SLC36A4: variants seen among roughly 807,000 people sequenced by gnomAD.
SLC36A4 encodes neutral amino acid uniporter 4.
SLC36A4 carries 49 observed loss-of-function variants against 50.5 expected under a neutral mutation model. The observed-to-expected ratio is 0.97, with a 90% confidence interval of 0.77 to 1.23. The LOEUF is 1.23. Ranked by LOEUF, SLC36A4 falls within the 50% of genes most tolerant of loss-of-function variation. SLC36A4 has a pLI of 0.00. For missense variants in SLC36A4, 611 were observed against 608.4 expected (o/e 1.00, Z -0.05); for synonymous variants, 207 against 206.5 (o/e 1.00, Z -0.02).
chr11:93,152,803 G>A (rs1860157356), intron 10 of SLC36A4: 1 of 152,030 alleles, frequency 6.6e-6, no homozygotes, highest in Admixed American at 6.6e-5. Flanking sequence ...GAATAGAATT[G>A]TCTTACATCT....
chr11:93,149,233 A>T (rs1048803326), intron 10 of SLC36A4, among the ~76,000 whole-genome samples: 7 of 152,110 alleles, frequency 4.6e-5, no homozygotes, highest in Non-Finnish European at 7.4e-5. Context: ...GAGAGAAGAG[A>T]TAGCTATTCC....
chr11:93,158,137 T>C (rs1860450585), intron 9 of SLC36A4, among the ~76,000 whole-genome samples: 1 of 152,196 alleles, frequency 6.6e-6, no homozygotes, highest in African/African-American at 2.4e-5. Flanking sequence ...GCTAAGGATG[T>C]ATTTCTCAGC....
chr11:93,177,398 C>T (rs749904234), intron 6 of SLC36A4, among the ~76,000 whole-genome samples: 1 of 152,148 alleles, frequency 6.6e-6, no homozygotes, highest in African/African-American at 2.4e-5. Flanking sequence ...TTCGAACATC[C>T]TCCTTTAGCT....
intron 9 of SLC36A4, among the ~76,000 whole-genome samples, chr11:93,157,815 G>T (rs1368232704): frequency 6.6e-6 from 1 of 152,148 alleles, no homozygotes; most frequent in Non-Finnish European, 1.5e-5. Context: ...CTGAAAACAG[G>T]GATAGTTTGC....
chr11:93,174,747 C>T (rs1861371153), intron 6 of SLC36A4, among the ~76,000 whole-genome samples: 1 of 145,938 alleles, frequency 6.9e-6, no homozygotes, highest in Admixed American at 7.1e-5. Flanking sequence ...TGCTGGATTA[C>T]ATTTATTGAT....
At chr11:93,150,648 T>C (rs762295654) in intron 10 of SLC36A4, among the ~76,000 whole-genome samples, 3 of 152,034 alleles carry the variant, frequency 2.0e-5, no homozygotes, top group Admixed American at 6.6e-5. Flanking sequence ...ACCTCGAAAG[T>C]AGAAATACTT....
chr11:93,165,809 A>C, intron 8 of SLC36A4, 109 bp downstream of exon 8: 1 of 632,488 alleles, frequency 1.6e-6, no homozygotes, highest in South Asian at 3.3e-5. Context: ...TCATGTAAAG[A>C]AAATTGAAAT....
intron 1 of SLC36A4, among the ~76,000 whole-genome samples, chr11:93,191,560 G>A (rs1862219259): frequency 6.6e-6 from 1 of 152,160 alleles, no homozygotes; most frequent in South Asian, 2.1e-4. Context: ...TTCACACTGT[G>A]ATGTCAGATG....
At position 93,162,867 on chromosome 11, in the gene SLC36A4, T is replaced by C; in HGVS notation, c.876A>G (p.Pro292=). The change falls in exon 9 of 11, where the codon CCA becomes CCG. Residue 292 remains proline, a synonymous_variant. Coordinates refer to ENST00000326402, the MANE Select transcript of SLC36A4 (RefSeq NM_152313.4). ...TTGATTCTTTCATTTGGTTTTCCAG[T>C]GGAAGGACCTAAGAAAAGAATACAA... ...FAFEGIGVVL[P]LENQMKESKR... 1 of 1,611,654 alleles carries C rather than the reference T, an allele frequency of 6.2e-7. No homozygotes were observed. The highest frequency in any genetic ancestry group is 8.5e-7 in the Non-Finnish European group (1 of 1,179,270).
At chr11:93,165,267 C>T (rs995333553) in intron 8 of SLC36A4, among the ~76,000 whole-genome samples, 15 of 152,112 alleles carry the variant, frequency 9.9e-5, no homozygotes, top group African/African-American at 3.4e-4. Context: ...CAGCAAGATT[C>T]TATTTTCCCC....
Position 93,162,799 on chromosome 11 carries a change from G to C in SLC36A4, c.944C>G (p.Thr315Arg). ...AGTAGCTAATGTTACATACAAAGTT[G>C]TAACAATCCCCATGCCAATATTCAA... Reference protein sequence around the residue: ...QALNIGMGIVTTLYVTLATLG... With the variant: ...QALNIGMGIVRTLYVTLATLG... The change falls in exon 9 of 11, where the codon ACA becomes AGA. Residue 315 changes from threonine to arginine, a missense_variant. Physicochemically the swap from Thr to Arg is moderately conservative, Grantham distance 71. Transcript: ENST00000326402. The C allele has an allele frequency of 6.2e-7, 1 of 1,613,696 alleles. No individual in the cohort carries two copies. The highest frequency in any genetic ancestry group is 1.1e-5 in the South Asian group (1 of 91,066).
intron 8 of SLC36A4, among the ~76,000 whole-genome samples, chr11:93,163,294 T>G (rs879493174): frequency 6.6e-6 from 1 of 152,218 alleles, no homozygotes; most frequent in African/African-American, 2.4e-5. Context: ...AAATTTCATT[T>G]GGATTTCATT....
intron 10 of SLC36A4, among the ~76,000 whole-genome samples, chr11:93,152,921 T>A (rs1413332698): frequency 6.6e-6 from 1 of 152,168 alleles, no homozygotes; most frequent in Non-Finnish European, 1.5e-5. Flanking sequence ...AATATCTTTT[T>A]CCTACTGAAT....
At chr11:93,189,172 TCCTG>T (rs1351342470) in intron 1 of SLC36A4, among the ~76,000 whole-genome samples, 3 of 151,886 alleles carry the variant, frequency 2.0e-5, no homozygotes, top group Admixed American at 2.0e-4. Context: ...CAAGCAATTC[TCCTG>T]CCTCAGCCTC....
rs1247875821 is a variant in SLC36A4, at chr11:93,175,191, G to A, written c.540+5606C>T. Reference sequence around the variant, plus strand: ...TTAGTCTTGGGAGAGTGTATGTGTCGAGGAATTTATCCATTTCTTCTAGAT... The same window carrying A: ...TTAGTCTTGGGAGAGTGTATGTGTCAAGGAATTTATCCATTTCTTCTAGAT... On this transcript the variant is annotated intron_variant, in intron 6 of 10. Coordinates refer to ENST00000326402, the MANE Select transcript of SLC36A4 (RefSeq NM_152313.4). 5.3e-5 allele frequency among the ~76,000 whole-genome samples: 8 copies of A among 149,774 alleles called. No homozygotes were observed. The East Asian group carries it at 8.0e-4, about 15-fold the overall frequency.
intron 10 of SLC36A4, among the ~76,000 whole-genome samples, chr11:93,149,406 G>C (rs1414902335): frequency 6.6e-6 from 1 of 151,948 alleles, no homozygotes; most frequent in Non-Finnish European, 1.5e-5. Flanking sequence ...CTTCCTTCAA[G>C]ATACTTATTA....
chr11:93,184,379 A>T lies in SLC36A4; in HGVS notation c.270+51T>A, dbSNP rs750829288. 2.7e-6 allele frequency: 3 copies of T among 1,118,496 alleles called. No individual in the cohort carries two copies. In the African/African-American group the frequency reaches 4.6e-5, roughly 17 times the overall value. 69.3% of individuals were successfully genotyped at this position (1,118,496 alleles called of 1,614,324 possible). A position where few individuals can be genotyped will look rare whatever the true frequency, so the allele number is the denominator to read the frequency against. ...CTAGGCCAGATATTAGGTTGCTATAAATGAGACTGAGAACTGCATCTTAAC... is the reference window on the plus strand; with the variant it reads ...CTAGGCCAGATATTAGGTTGCTATATATGAGACTGAGAACTGCATCTTAAC... On this transcript the variant is annotated intron_variant, in intron 3 of 10. Transcript: ENST00000326402.
chr11:93,189,419 G>A (rs1862121138), intron 1 of SLC36A4, among the ~76,000 whole-genome samples: 1 of 151,732 alleles, frequency 6.6e-6, no homozygotes, highest in Non-Finnish European at 1.5e-5. Context: ...ACATCCTGAG[G>A]TATGCAAGGC....
chr11:93,148,365 C>A lies in SLC36A4; in HGVS notation c.*172G>T. ...CTAACACTTAAAAGCAAGGATTTTT[C>A]ATAGGTTTACCACTACTGGTAAAGA... On this transcript the variant is annotated 3_prime_UTR_variant, in exon 11 of 11. Transcript: ENST00000326402. 1.8e-6 allele frequency: 1 copy of A among 548,388 alleles called. No homozygotes were observed. The highest frequency in any genetic ancestry group is 3.2e-5 in the South Asian group (1 of 31,300). 34.0% of individuals were successfully genotyped at this position (548,388 alleles called of 1,614,324 possible).
Sources: allele counts gnomAD v4.1 joint callset (sites outside exome capture counted in the v4.1 genomes callset), GRCh38; gene constraint gnomAD v4.1.1; transcripts MANE v1.5; gene names NCBI Gene and HGNC (gene_info 2026-07-23, HGNC 2026-07-21).